KPNA6: variants seen among roughly 807,000 people sequenced by gnomAD.
KPNA6 encodes the protein importin subunit alpha-7.
In KPNA6, 9 loss-of-function variants were observed where a neutral mutation model predicts 72.0. That is an observed-to-expected ratio of 0.13 (90% CI 0.08 to 0.22). The LOEUF is 0.22. KPNA6 is among the 10% of genes least tolerant of loss of function. The probability of loss-of-function intolerance (pLI) is 1.00; values close to 1 mark genes in which losing one functional copy is unlikely to be tolerated. For missense variants in KPNA6, 374 were observed against 655.7 expected (o/e 0.57, Z 4.69); for synonymous variants, 219 against 242.1 (o/e 0.90, Z 0.89).
chr1:32,154,855 C>G, intron 2 of KPNA6, 134 bp downstream of exon 2: 2 of 894,366 alleles, frequency 2.2e-6, no homozygotes, highest in South Asian at 3.6e-5. Flanking sequence ...TGTCTGTAAT[C>G]CCAGCACTTT....
intron 1 of KPNA6, among the ~76,000 whole-genome samples, chr1:32,124,153 G>A (rs1416318901): frequency 1.3e-5 from 2 of 151,866 alleles, no homozygotes; most frequent in Middle Eastern, 3.4e-3. Context: ...GAGGAGGATC[G>A]CTTGAGCCTA....
chr1:32,118,647 T>C (rs1280053651), intron 1 of KPNA6, among the ~76,000 whole-genome samples: 1 of 151,588 alleles, frequency 6.6e-6, no homozygotes, highest in African/African-American at 2.4e-5. Context: ...AAAAAATTAG[T>C]TGGGCGTGGT....
intron 1 of KPNA6, among the ~76,000 whole-genome samples, chr1:32,115,143 C>CT (rs200107930): frequency 1.5e-4 from 22 of 147,124 alleles, no homozygotes; most frequent in East Asian, 4.1e-4. Context: ...CCCGGCTTCA[C>CT]TTTTTTTTTT....
At position 32,174,912 on chromosome 1, in the gene KPNA6, T is replaced by C. The variant is rs1642500063; in HGVS notation, c.*4018T>C. ...TATTCCATAGCCATTTAGGATTGCA[T>C]GTTCTGGACCAACCTTGTCCAGTAT... On this transcript the variant is annotated 3_prime_UTR_variant, in exon 14 of 14. Coordinates refer to ENST00000373625, the MANE Select transcript of KPNA6 (RefSeq NM_012316.5). The C allele has an allele frequency of 6.6e-6, 1 of 152,264 alleles. No individual in the cohort carries two copies. Among genetic ancestry groups the C allele is most frequent in the South Asian group, 2.1e-4 (1 of 4,838 alleles). The allele number at this position is 152,264 out of a possible 1,614,324, so 9.4% of individuals were successfully genotyped here. A position where few individuals can be genotyped will look rare whatever the true frequency, so the allele number is the denominator to read the frequency against.
chr1:32,132,630 G>C (rs1641658252), intron 1 of KPNA6, among the ~76,000 whole-genome samples: 1 of 152,276 alleles, frequency 6.6e-6, no homozygotes, highest in East Asian at 1.9e-4. Context: ...CCAGCCCAGC[G>C]TGGTGGCTCA....
chr1:32,167,379 G>A, intron 12 of KPNA6, 83 bp downstream of exon 12: 1 of 1,524,778 alleles, frequency 6.6e-7, no homozygotes, highest in Non-Finnish European at 9.0e-7. Context: ...CCTATAAACT[G>A]CTCTTGCTCA....
At chr1:32,121,780 C>T (rs1641436723) in intron 1 of KPNA6, among the ~76,000 whole-genome samples, 1 of 151,996 alleles carries the variant, frequency 6.6e-6, no homozygotes, top group South Asian at 2.1e-4. Context: ...CGAGATCAGC[C>T]TGGCCAACAT....
rs56952347 is a variant in KPNA6 at position 32,123,739 on chromosome 1, T to TAAAAAAA, written c.4+15618_4+15624dup. ...TGGGTGACAGAGTGAGACCCTGTCT[T>TAAAAAAA]AAAAAAAAAAAAAAAAAAAGGCCAA... On this transcript the variant is annotated intron_variant, in intron 1 of 13. Coordinates refer to ENST00000373625, the MANE Select transcript of KPNA6 (RefSeq NM_012316.5). 5.0e-5 allele frequency among the ~76,000 whole-genome samples: 5 copies of TAAAAAAA among 99,938 alleles called. No homozygotes were observed. In the Admixed American group the frequency reaches 5.6e-4, roughly 11 times the overall value. The allele number at this position is 99,938 out of a possible 152,430, so 65.6% of individuals were successfully genotyped here.
chr1:32,146,373 T>C (rs1641929693), intron 1 of KPNA6, among the ~76,000 whole-genome samples: 1 of 152,246 alleles, frequency 6.6e-6, no homozygotes, highest in Non-Finnish European at 1.5e-5. Flanking sequence ...TAACAGTTTC[T>C]GACTTAAAGT....
chr1:32,141,375 C>CTTTTT lies in KPNA6; in HGVS notation c.5-13177_5-13173dup, dbSNP rs71006334. On this transcript the variant is annotated intron_variant, in intron 1 of 13. Coordinates refer to ENST00000373625, the MANE Select transcript of KPNA6 (RefSeq NM_012316.5). ...AGGGCTTTTTTTTTTTAAGTTAATC[C>CTTTTT]TTTTTTTTTTTTTTTTTTTTTTTTT... Among the ~76,000 whole-genome samples the CTTTTT allele has an allele frequency of 1.9e-3, 106 of 54,448 alleles. 27 individuals carry two copies. The highest frequency in any genetic ancestry group is 2.8e-3 in the Non-Finnish European group (70 of 25,162). The allele number at this position is 54,448 out of a possible 152,430, so 35.7% of individuals were successfully genotyped here.
intron 10 of KPNA6, among the ~76,000 whole-genome samples, chr1:32,164,538 T>G (rs1254409655): frequency 6.6e-6 from 1 of 151,522 alleles, no homozygotes; most frequent in Non-Finnish European, 1.5e-5. Context: ...TGCCAACAGT[T>G]GTTATTTTCC....
chr1:32,164,865 CTT>C (rs1372958410), intron 10 of KPNA6, among the ~76,000 whole-genome samples: 1 of 151,648 alleles, frequency 6.6e-6, no homozygotes. Flanking sequence ...TATCTTTTAA[CTT>C]TGGTGTCTTT....
rs992034596 is a variant in KPNA6 at position 32,162,920 on chromosome 1, C to T, written c.912-315C>T. Reference sequence around the variant, plus strand: ...GAGATCAAGACCATCCTGGCTAACACGGTGAAACCCCGTCTCTACTAAAAA... The same window carrying T: ...GAGATCAAGACCATCCTGGCTAACATGGTGAAACCCCGTCTCTACTAAAAA... On this transcript the variant is annotated intron_variant, in intron 9 of 13. Transcript: ENST00000373625. 1.4e-4 allele frequency among the ~76,000 whole-genome samples: 21 copies of T among 150,580 alleles called. No individual in the cohort carries two copies. The South Asian group carries it at 3.2e-3, about 23-fold the overall frequency.
At chr1:32,156,391 C>T (rs1642143337) in intron 2 of KPNA6, among the ~76,000 whole-genome samples, 1 of 152,098 alleles carries the variant, frequency 6.6e-6, no homozygotes. Context: ...TTTGAATTGC[C>T]AGCATCACTA....
intron 1 of KPNA6, among the ~76,000 whole-genome samples, chr1:32,144,837 A>T (rs1641902585): frequency 6.6e-6 from 1 of 151,400 alleles, no homozygotes; most frequent in South Asian, 2.1e-4. Flanking sequence ...TTTAGTAGAG[A>T]TGGGATTTCT....
intron 1 of KPNA6, among the ~76,000 whole-genome samples, chr1:32,134,308 G>A (rs1027728586): frequency 6.6e-6 from 1 of 151,146 alleles, no homozygotes; most frequent in African/African-American, 2.4e-5. Flanking sequence ...CTAAAATGAG[G>A]GAGAAATTAA....
intron 10 of KPNA6, 105 bp from the exon 11 acceptor site, chr1:32,165,997 CAAA>C: frequency 9.9e-7 from 1 of 1,005,256 alleles, no homozygotes; most frequent in Non-Finnish European, 1.3e-6. Flanking sequence ...GACTCTGTCT[CAAA>C]AAAAAAAACA....
chr1:32,131,475 C>T (rs1469357791), intron 1 of KPNA6, among the ~76,000 whole-genome samples: 4 of 151,884 alleles, frequency 2.6e-5, no homozygotes, highest in Non-Finnish European at 5.9e-5. Flanking sequence ...AAAGTGAGAC[C>T]CTGTCTCTAC....
At chr1:32,152,146 T>G (rs568006145) in intron 1 of KPNA6, among the ~76,000 whole-genome samples, 4 of 151,710 alleles carry the variant, frequency 2.6e-5, no homozygotes, top group African/African-American at 9.7e-5. Context: ...CTAGACGATA[T>G]AGTGAGACCC....
Sources: gnomAD v4.1 joint callset for allele counts (sites outside exome capture counted in the v4.1 genomes callset) on GRCh38, gnomAD v4.1.1 for gene constraint, MANE v1.5 for transcripts, NCBI Gene and HGNC (gene_info 2026-07-23, HGNC 2026-07-21) for gene names.